PCDH9: variants seen among roughly 807,000 people sequenced by gnomAD.
The protein encoded by PCDH9 is protocadherin 9, also known as protocadherin-9.
A neutral mutation model predicts 70.6 loss-of-function variants in PCDH9; 24 were observed. The observed-to-expected ratio is 0.34, with a 90% CI of 0.25 to 0.48. The LOEUF is 0.48. Among genes scored for constraint, PCDH9 ranks in the 20% least tolerant of loss-of-function variants. PCDH9 has a pLI of 0.99. For synonymous variants in PCDH9, 562 were observed against 558.5 expected, an observed-to-expected ratio of 1.01 and a Z score of -0.09; for missense variants, 1,281 against 1,503.6, an observed-to-expected ratio of 0.85 and a Z score of 2.45.
intron 3 of PCDH9, among the ~76,000 whole-genome samples, chr13:66,645,569 A>T (rs2077760055): frequency 6.6e-6 from 1 of 152,156 alleles, no homozygotes; most frequent in Admixed American, 6.5e-5. Context: ...ACATAAAAAG[A>T]ATTTGAAAAC....
intron 3 of PCDH9, among the ~76,000 whole-genome samples, chr13:66,661,818 T>G (rs574875878): frequency 6.6e-6 from 1 of 152,256 alleles, no homozygotes; most frequent in Non-Finnish European, 1.5e-5. Context: ...GAAACTGCAT[T>G]TTTCTAGTCA....
intron 3 of PCDH9, among the ~76,000 whole-genome samples, chr13:66,873,398 G>T (rs2081734472): frequency 6.6e-6 from 1 of 152,106 alleles, no homozygotes; most frequent in Non-Finnish European, 1.5e-5. Flanking sequence ...GGAAGGAATA[G>T]TGAATGTCAA....
intron 3 of PCDH9, among the ~76,000 whole-genome samples, chr13:66,899,276 A>G (rs1446653576): frequency 6.6e-6 from 1 of 151,966 alleles, no homozygotes; most frequent in Non-Finnish European, 1.5e-5. Context: ...CCATCCTGGG[A>G]TATCTTAATC....
intron 3 of PCDH9, among the ~76,000 whole-genome samples, chr13:66,881,446 T>C (rs1054114964): frequency 2.6e-5 from 4 of 152,116 alleles, no homozygotes; most frequent in African/African-American, 9.7e-5. Context: ...GACCCATTCA[T>C]TATCAAGAGA....
chr13:66,724,494 A>G (rs1234256396), intron 3 of PCDH9, among the ~76,000 whole-genome samples: 1 of 152,154 alleles, frequency 6.6e-6, no homozygotes, highest in Non-Finnish European at 1.5e-5. Flanking sequence ...TATCTATTGC[A>G]AGAGAATGAA....
At chr13:66,850,765 T>C (rs1293477107) in intron 3 of PCDH9, among the ~76,000 whole-genome samples, 1 of 152,204 alleles carries the variant, frequency 6.6e-6, no homozygotes. Context: ...TGACTGTACA[T>C]TGAGCTGAAG....
intron 3 of PCDH9, among the ~76,000 whole-genome samples, chr13:66,842,943 G>A (rs1049745221): frequency 2.6e-5 from 4 of 152,158 alleles, no homozygotes; most frequent in Admixed American, 6.5e-5. Flanking sequence ...TGGAAACCAC[G>A]AAAGAAGGGC....
intron 4 of PCDH9, among the ~76,000 whole-genome samples, chr13:66,365,978 G>C (rs985522204): frequency 3.3e-5 from 5 of 151,932 alleles, no homozygotes; most frequent in Non-Finnish European, 7.4e-5. Context: ...TGGGAGATTA[G>C]CATAAAATTT....
chr13:67,115,531 G>A (rs777149295), intron 2 of PCDH9, among the ~76,000 whole-genome samples: 1 of 152,136 alleles, frequency 6.6e-6, no homozygotes, highest in African/African-American at 2.4e-5. Context: ...GGTGTCCCAC[G>A]AGAACAAAGT....
chr13:66,736,000 T>C (rs1434083963), intron 3 of PCDH9, among the ~76,000 whole-genome samples: 1 of 152,050 alleles, frequency 6.6e-6, no homozygotes, highest in Non-Finnish European at 1.5e-5. Flanking sequence ...AGACATGATA[T>C]ATGTGAAAAT....
chr13:66,530,347 C>T (rs965608351), intron 4 of PCDH9, among the ~76,000 whole-genome samples: 3 of 152,030 alleles, frequency 2.0e-5, no homozygotes, highest in Non-Finnish European at 4.4e-5. Context: ...AAACTTAATG[C>T]TGACTTGGTA....
At chr13:67,225,284 T>C (rs981268658) in intron 2 of PCDH9, 121 bp downstream of exon 2, 1 of 1,297,718 alleles carries the variant, frequency 7.7e-7, no homozygotes, top group Non-Finnish European at 1.1e-6. Context: ...GTCAAGTTTT[T>C]TTTTACCTCT....
At chr13:67,094,935 T>C (rs2086290806) in intron 2 of PCDH9, among the ~76,000 whole-genome samples, 1 of 152,064 alleles carries the variant, frequency 6.6e-6, no homozygotes, top group Admixed American at 6.6e-5. Context: ...CAAGAAACAA[T>C]AATATTTTAA....
chr13:66,702,859 T>C (rs1284563665), intron 3 of PCDH9, among the ~76,000 whole-genome samples: 1 of 152,190 alleles, frequency 6.6e-6, no homozygotes, highest in Non-Finnish European at 1.5e-5. Context: ...ATATACAGTA[T>C]GGAAGTTTTA....
At chr13:66,920,844 T>C (rs2082626333) in intron 2 of PCDH9, among the ~76,000 whole-genome samples, 1 of 151,142 alleles carries the variant, frequency 6.6e-6, no homozygotes, top group Non-Finnish European at 1.5e-5. Context: ...CCTAAAACAA[T>C]AGCTTCCTGA....
rs367998401 is a variant in PCDH9 at position 66,676,996 on chromosome 13, G to A, written c.3139-45585C>T. Among the ~76,000 whole-genome samples, 127 of 152,014 alleles carry A rather than the reference G, an allele frequency of 8.4e-4. 1 individual carries two copies. Among genetic ancestry groups the A allele is most frequent in the African/African-American group, 2.8e-3 (116 of 41,496 alleles). ...TTCCAACTATTCAAAGTCGGTATGC[G>A]GATTAAAAGTTTTTTTAGATCACAC... On this transcript the variant is annotated intron_variant, in intron 3 of 4. Coordinates refer to ENST00000377865, the MANE Select transcript of PCDH9 (RefSeq NM_203487.3).
intron 4 of PCDH9, among the ~76,000 whole-genome samples, chr13:66,500,144 A>G (rs956232397): frequency 1.3e-5 from 2 of 152,248 alleles, no homozygotes; most frequent in Non-Finnish European, 2.9e-5. Context: ...TAGATAATAT[A>G]GCATTAATAA....
At chr13:66,942,571 A>G (rs960278514) in intron 2 of PCDH9, among the ~76,000 whole-genome samples, 1 of 152,034 alleles carries the variant, frequency 6.6e-6, no homozygotes, top group Admixed American at 6.6e-5. Flanking sequence ...GTTTTATCAA[A>G]GTTTTAAGGA....
intron 2 of PCDH9, among the ~76,000 whole-genome samples, chr13:67,042,475 T>A (rs974207668): frequency 6.6e-6 from 1 of 151,818 alleles, no homozygotes; most frequent in Non-Finnish European, 1.5e-5. Flanking sequence ...AAACTAGAAA[T>A]CAAGATCTCA....
Sources: allele counts gnomAD v4.1 joint callset (sites outside exome capture counted in the v4.1 genomes callset), GRCh38; gene constraint gnomAD v4.1.1; transcripts MANE v1.5; gene names NCBI Gene and HGNC (gene_info 2026-07-23, HGNC 2026-07-21).